The following PTPRG variants were observed in gnomAD, a reference collection of about 807,000 sequenced individuals.
PTPRG encodes the protein protein tyrosine phosphatase receptor type G, also known as receptor-type tyrosine-protein phosphatase gamma.
In PTPRG, 102 loss-of-function variants were observed where a neutral mutation model predicts 165.3. That is an observed-to-expected ratio of 0.62 (90% CI 0.53 to 0.73). The LOEUF is 0.73. PTPRG is among the 30% of genes least tolerant of loss of function. The pLI, the probability that PTPRG is intolerant of heterozygous loss-of-function variation, is 0.00. For synonymous variants in PTPRG, 675 were observed against 669.5 expected (o/e 1.01, Z -0.13); for missense variants, 1,866 against 1,861.4 (o/e 1.00, Z -0.05).
At chr3:61,652,021 A>AT (rs1702368009) in intron 1 of PTPRG, among the ~76,000 whole-genome samples, 1 of 151,730 alleles carries the variant, frequency 6.6e-6, no homozygotes, top group Non-Finnish European at 1.5e-5. Context: ...ATATATATAT[A>AT]AAAGTAGGCC....
At chr3:62,281,892 TG>T (rs1393525093) in intron 27 of PTPRG, among the ~76,000 whole-genome samples, 183 bp downstream of exon 27, 1 of 152,026 alleles carries the variant, frequency 6.6e-6, no homozygotes, top group Non-Finnish European at 1.5e-5. Context: ...GCTGGCTAGA[TG>T]AAATGTAACA....
At chr3:62,024,732 T>C (rs1186083911) in intron 4 of PTPRG, among the ~76,000 whole-genome samples, 1 of 152,180 alleles carries the variant, frequency 6.6e-6, no homozygotes, top group African/African-American at 2.4e-5. Context: ...CAACCCCTAA[T>C]GTGTTATCTG....
chr3:61,710,838 G>GGT (rs1015806111), intron 1 of PTPRG, among the ~76,000 whole-genome samples: 9 of 151,972 alleles, frequency 5.9e-5, no homozygotes, highest in African/African-American at 2.2e-4. Context: ...TTATTACATA[G>GGT]GTATGCATGT....
At chr3:61,797,589 C>T (rs1419703268) in intron 2 of PTPRG, among the ~76,000 whole-genome samples, 3 of 106,650 alleles carry the variant, frequency 2.8e-5, no homozygotes, top group African/African-American at 5.1e-5. Context: ...ACACCCCCCC[C>T]CACCCCCCCA....
Position 61,781,413 on chromosome 3 carries a change from T to C in PTPRG, c.190+32431T>C, listed in dbSNP as rs1575658858. 3.9e-5 allele frequency among the ~76,000 whole-genome samples: 6 copies of C among 152,334 alleles called. No individual in the cohort carries two copies. The East Asian group carries it at 9.6e-4, about 24-fold the overall frequency. On this transcript the variant is annotated intron_variant, in intron 2 of 29. Transcript: ENST00000474889. ...TTTGACAACTGTCCTTTGATTATTA[T>C]TTATAATTTAATATATTTTTTGAAA...
At chr3:62,292,784 A>G in intron 29 of PTPRG, 1 of 520,122 alleles carries the variant, frequency 1.9e-6, no homozygotes, top group East Asian at 3.2e-5. Flanking sequence ...TCAACACCAT[A>G]GAATTATGTG....
At chr3:62,019,394 G>T (rs1275476853) in intron 4 of PTPRG, among the ~76,000 whole-genome samples, 2 of 151,904 alleles carry the variant, frequency 1.3e-5, no homozygotes, top group African/African-American at 4.8e-5. Context: ...GTGGTGGCAC[G>T]CATCTGTGGT....
rs1235555487 is a variant in PTPRG, at chr3:62,028,410, A to G, written c.519+24913A>G. Among the ~76,000 whole-genome samples the G allele has an allele frequency of 6.6e-5, 10 of 152,224 alleles. No individual in the cohort carries two copies. The South Asian group carries it at 1.9e-3, about 28-fold the overall frequency. On this transcript the variant is annotated intron_variant, in intron 4 of 29. Transcript: ENST00000474889. ...AAAACTGAAATGCATGACCAAACAC[A>G]TTATGAAATGTGTGGTTTCATTAAA...
intron 4 of PTPRG, among the ~76,000 whole-genome samples, chr3:62,059,628 A>G (rs755037230): frequency 2.0e-5 from 3 of 152,212 alleles, no homozygotes; most frequent in African/African-American, 4.8e-5. Context: ...GCATGAGCCC[A>G]GGAGTTCAAG....
chr3:61,802,837 G>A (rs968046918), intron 2 of PTPRG, among the ~76,000 whole-genome samples: 4 of 152,094 alleles, frequency 2.6e-5, no homozygotes, highest in Non-Finnish European at 5.9e-5. Context: ...GAATACCCAT[G>A]CCCAGTATAA....
At chr3:62,097,542 A>G (rs1156523954) in intron 5 of PTPRG, among the ~76,000 whole-genome samples, 1 of 152,176 alleles carries the variant, frequency 6.6e-6, no homozygotes, top group Non-Finnish European at 1.5e-5. Flanking sequence ...AGGACTCCTC[A>G]TTCACCCTTC....
rs117232906 is a variant in PTPRG at position 61,678,930 on chromosome 3, G to T, written c.86-69948G>T. On this transcript the variant is annotated intron_variant, in intron 1 of 29. Transcript: ENST00000474889. ...CCTCATTAGTATCTCTGTATTATGT[G>T]CAATTTTTTTTTCCTTGAAAGCATT... Among the ~76,000 whole-genome samples, 489 of 152,110 alleles carry T rather than the reference G, an allele frequency of 3.2e-3. 16 individuals carry two copies. The East Asian group carries it at 0.075, about 23-fold the overall frequency.
At chr3:62,150,687 G>A (rs1704301735) in intron 6 of PTPRG, among the ~76,000 whole-genome samples, 1 of 152,026 alleles carries the variant, frequency 6.6e-6, no homozygotes, top group Admixed American at 6.5e-5. Flanking sequence ...AAAAAGTTGT[G>A]GGAAACCCTG....
intron 5 of PTPRG, among the ~76,000 whole-genome samples, chr3:62,095,165 G>A (rs182562511): frequency 1.5e-4 from 23 of 152,292 alleles, no homozygotes; most frequent in African/African-American, 5.1e-4. Context: ...GTCATAAAGC[G>A]AAGAGAGAGC....
chr3:62,090,320 G>A (rs1284943090), intron 5 of PTPRG, among the ~76,000 whole-genome samples: 1 of 152,116 alleles, frequency 6.6e-6, no homozygotes, highest in African/African-American at 2.4e-5. Flanking sequence ...AAAGGTGGCT[G>A]CCAGACACTA....
chr3:61,614,146 C>CCTCA (rs961869530), intron 1 of PTPRG, among the ~76,000 whole-genome samples: 73 of 152,222 alleles, frequency 4.8e-4, no homozygotes, highest in African/African-American at 1.7e-3. Context: ...GCCTGTTGTT[C>CCTCA]CTCACTCACT....
intron 1 of PTPRG, among the ~76,000 whole-genome samples, chr3:61,630,070 G>C (rs1018596130): frequency 3.3e-5 from 5 of 152,222 alleles, no homozygotes; most frequent in African/African-American, 7.2e-5. Context: ...CCTTATGACT[G>C]AGACATGCAT....
intron 5 of PTPRG, among the ~76,000 whole-genome samples, chr3:62,098,085 AT>A (rs1702175394): frequency 6.6e-6 from 1 of 152,218 alleles, no homozygotes; most frequent in Non-Finnish European, 1.5e-5. Context: ...TGATAAAAGA[AT>A]TAGAAAAAAT....
intron 2 of PTPRG, among the ~76,000 whole-genome samples, chr3:61,930,664 T>A (rs1311234965): frequency 2.6e-5 from 4 of 152,208 alleles, no homozygotes; most frequent in Non-Finnish European, 5.9e-5. Context: ...GAGTCAAGCG[T>A]CATTGTGGCA....
Sources: gnomAD v4.1 joint callset for allele counts (sites outside exome capture counted in the v4.1 genomes callset) on GRCh38, gnomAD v4.1.1 for gene constraint, MANE v1.5 for transcripts, NCBI Gene and HGNC (gene_info 2026-07-23, HGNC 2026-07-21) for gene names.